The following DGKK variants were observed in gnomAD, a reference collection of about 807,000 sequenced individuals.
DGKK encodes diacylglycerol kinase kappa.
DGKK carries 35 observed loss-of-function variants against 92.2 expected under a neutral mutation model. That is an observed-to-expected ratio of 0.38 (90% CI 0.29 to 0.50). DGKK has a LOEUF of 0.50. Ranked by LOEUF, DGKK falls within the 20% of genes least tolerant of loss-of-function variation. The pLI, the probability that DGKK is intolerant of heterozygous loss-of-function variation, is 0.92. For synonymous variants in DGKK, 368 were observed against 360.6 expected (o/e 1.02, Z -0.23); for missense variants, 910 against 992.2 (o/e 0.92, Z 1.11).
intron 8 of DGKK, 73 bp downstream of exon 8, chrX:50,400,964 A>G (rs953695236): frequency 1.1e-6 from 1 of 950,172 alleles, no homozygotes; most frequent in Middle Eastern, 2.9e-4. Flanking sequence ...ATTTAATTGC[A>G]GTGCTTCTTC....
rs185264379 is a variant in DGKK at position 50,429,799 on chromosome X, T to C, written c.646-5441A>G. 1.2e-3 allele frequency among the ~76,000 whole-genome samples: 133 copies of C among 112,407 alleles called. 3 individuals are homozygous for C. The East Asian group carries it at 0.026, about 22-fold the overall frequency. On this transcript the variant is annotated intron_variant, in intron 1 of 27. Transcript: ENST00000611977. Reference sequence around the variant, plus strand: ...TCCTTGTTTTTCTAAAGACCTAACATTCGTTGGCGGGCGAGAAGGGAGTTC... The same window carrying C: ...TCCTTGTTTTTCTAAAGACCTAACACTCGTTGGCGGGCGAGAAGGGAGTTC...
rs782758487 is a variant in DGKK, at chrX:50,386,533, C to T, written c.2172G>A (p.Glu724=). 3.3e-6 allele frequency: 4 copies of T among 1,211,002 alleles called. No individual in the cohort carries two copies. ...TTTTTTCAGCAGAAGTAGCTGCTGC[C>T]TCCTCAGCCAGGACATCGATCAGGA... ...LSVLIDVLAE[E]AAATSAEKSA... The change falls in exon 15 of 28, where the codon GAG becomes GAA. Residue 724 remains glutamate (E), a synonymous_variant. Transcript: ENST00000611977.
intron 4 of DGKK, among the ~76,000 whole-genome samples, chrX:50,416,798 T>G (rs1925445804): frequency 9.0e-6 from 1 of 111,031 alleles, no homozygotes; most frequent in Non-Finnish European, 1.9e-5. Context: ...TATGCATGAG[T>G]TAGAGTCATT....
chrX:50,431,722 T>A (rs1925893105), intron 1 of DGKK, among the ~76,000 whole-genome samples: 1 of 111,362 alleles, frequency 9.0e-6, no homozygotes, highest in African/African-American at 3.3e-5. Flanking sequence ...AGCAACTGTG[T>A]TTGATTTGGT....
intron 4 of DGKK, among the ~76,000 whole-genome samples, chrX:50,410,769 T>A (rs1025031284): frequency 2.7e-5 from 3 of 111,750 alleles, no homozygotes; most frequent in African/African-American, 9.8e-5. Context: ...CCTCAGAGAA[T>A]TTCCCTGGAG....
chrX:50,373,166 A>T (rs926601760), intron 25 of DGKK, among the ~76,000 whole-genome samples: 3 of 112,104 alleles, frequency 2.7e-5, no homozygotes, highest in Non-Finnish European at 5.6e-5. Flanking sequence ...ACTGGGAGGG[A>T]TTCACTTCGT....
chrX:50,429,413 C>T (rs1289127176), intron 1 of DGKK, among the ~76,000 whole-genome samples: 2 of 112,237 alleles, frequency 1.8e-5, no homozygotes, highest in Non-Finnish European at 3.8e-5. Flanking sequence ...TATTCTCGGC[C>T]CGGCGAGCAC....
At chrX:50,458,425 T>A (rs1926665277) in intron 1 of DGKK, among the ~76,000 whole-genome samples, 1 of 109,136 alleles carries the variant, frequency 9.2e-6, no homozygotes, top group Admixed American at 1.0e-4. Flanking sequence ...AACACTGAAA[T>A]GAAATAGGAA....
rs1557226570 is a variant in DGKK at position 50,401,052 on chromosome X, C to T, written c.1396G>A (p.Asp466Asn). 1.7e-6 allele frequency: 2 copies of T among 1,196,414 alleles called. No individual in the cohort carries two copies. Among genetic ancestry groups the T allele is most frequent in the South Asian group, 1.8e-5 (1 of 54,380 alleles). The change falls in exon 8 of 28, where the codon GAC becomes AAC. Residue 466 changes from aspartate (D) to asparagine (N), a missense_variant. By Grantham distance (23) the Asp-to-Asn change is conservative. Coordinates refer to ENST00000611977, the MANE Select transcript of DGKK (RefSeq NM_001013742.4). ...AACTACTCACCATCGCCTTTGGGGT[C>T]GCTTAGAGCAGTGGGAGGAATGACT... The part of the protein sequence containing the change: ...SSVIPPTALS[D>N]PKGDGQLVVS...
chrX:50,395,292 T>C (rs1924817614), intron 8 of DGKK, among the ~76,000 whole-genome samples: 1 of 111,793 alleles, frequency 8.9e-6, no homozygotes, highest in Non-Finnish European at 1.9e-5. Flanking sequence ...AACCTGTCTG[T>C]GCTCTGTGCT....
intron 1 of DGKK, among the ~76,000 whole-genome samples, chrX:50,450,592 C>T (rs1374629442): frequency 8.9e-6 from 1 of 112,040 alleles, no homozygotes; most frequent in Non-Finnish European, 1.9e-5. Context: ...GTATGCTTAG[C>T]AAACACAGCC....
intron 1 of DGKK, among the ~76,000 whole-genome samples, chrX:50,457,649 A>G (rs1335082483): frequency 8.9e-6 from 1 of 111,991 alleles, no homozygotes; most frequent in Non-Finnish European, 1.9e-5. Context: ...TATGTGCTTC[A>G]TGTACAGTTT....
chrX:50,465,985 T>G (rs1926890701), intron 1 of DGKK, among the ~76,000 whole-genome samples: 1 of 107,082 alleles, frequency 9.3e-6, no homozygotes, highest in Non-Finnish European at 1.9e-5. Flanking sequence ...GGTTTCCTGG[T>G]TTCTATGGAT....
At position 50,422,519 on chromosome X, in the gene DGKK, T is replaced by G; in HGVS notation, c.764A>C (p.His255Pro). ...TTGAGACAGATCAATCGTTTCAAAG[T>G]GTGCAAACTGGAAAGATATAAGACA... Reference protein sequence around the residue: ...LYFAHHPAFAHFETIDLSQAT... With the variant: ...LYFAHHPAFAPFETIDLSQAT... The change falls in exon 3 of 28, where the codon CAC becomes CCC. Residue 255 changes from histidine to proline, a missense_variant. Coordinates refer to ENST00000611977, the MANE Select transcript of DGKK (RefSeq NM_001013742.4). 1.7e-6 allele frequency: 2 copies of G among 1,203,447 alleles called. No homozygotes were observed. The highest frequency in any genetic ancestry group is 3.0e-5 in the East Asian group (1 of 33,599).
intron 11 of DGKK, among the ~76,000 whole-genome samples, chrX:50,391,216 G>C (rs1306348148): frequency 3.6e-5 from 4 of 111,308 alleles, no homozygotes; most frequent in African/African-American, 1.3e-4. Context: ...TTCCCAGTAG[G>C]ATCCTTTAGT....
intron 8 of DGKK, among the ~76,000 whole-genome samples, chrX:50,396,709 A>C (rs1924863941): frequency 9.0e-6 from 1 of 111,509 alleles, no homozygotes; most frequent in Non-Finnish European, 1.9e-5. Context: ...GAGGAAGAGA[A>C]TATCTGAATT....
chrX:50,379,315 CAAAA>C (rs1214871132), intron 20 of DGKK, among the ~76,000 whole-genome samples: 2 of 38,835 alleles, frequency 5.1e-5, no homozygotes, highest in Non-Finnish European at 9.7e-5. Context: ...GACTCCGTTT[CAAAA>C]AAAAAAAAAA....
chrX:50,405,767 G>A (rs1427931011), intron 4 of DGKK, among the ~76,000 whole-genome samples: 1 of 111,605 alleles, frequency 9.0e-6, no homozygotes, highest in Non-Finnish European at 1.9e-5. Flanking sequence ...ACATGTTCTG[G>A]GATTGCTTTG....
intron 1 of DGKK, among the ~76,000 whole-genome samples, chrX:50,458,761 T>C (rs1926672151): frequency 9.0e-6 from 1 of 111,162 alleles, no homozygotes; most frequent in Non-Finnish European, 1.9e-5. Flanking sequence ...CCAGGGAATC[T>C]GTTGTCTTTA....
Sources: allele counts gnomAD v4.1 joint callset (sites outside exome capture counted in the v4.1 genomes callset), GRCh38; gene constraint gnomAD v4.1.1; transcripts MANE v1.5; gene names NCBI Gene and HGNC (gene_info 2026-07-23, HGNC 2026-07-21).